UBR1: variants seen among roughly 807,000 people sequenced by gnomAD.
UBR1 encodes E3 ubiquitin-protein ligase UBR1.
In UBR1, 102 loss-of-function variants were observed where a neutral mutation model predicts 242.1. That is an observed-to-expected ratio of 0.42 (90% CI 0.36 to 0.50). UBR1 has a LOEUF of 0.50. UBR1 is among the 20% of genes least tolerant of loss of function. The pLI is 0.01. For synonymous variants in UBR1, 675 were observed against 684.8 expected, an observed-to-expected ratio of 0.99 and a Z score of 0.22; for missense variants, 1,772 against 2,101.8, an observed-to-expected ratio of 0.84 and a Z score of 3.07.
At chr15:43,095,188 T>G (rs1324074777) in intron 1 of UBR1, among the ~76,000 whole-genome samples, 1 of 152,152 alleles carries the variant, frequency 6.6e-6, no homozygotes, top group Non-Finnish European at 1.5e-5. Flanking sequence ...ATTGATAAAT[T>G]AACAGACTTT....
chr15:42,945,109 C>A lies in UBR1; in HGVS notation c.*220G>T. The A allele has an allele frequency of 1.7e-6, 1 of 573,250 alleles. No homozygotes were observed. The highest frequency in any genetic ancestry group is 3.1e-6 in the Non-Finnish European group (1 of 327,762). 35.5% of individuals were successfully genotyped at this position (573,250 alleles called of 1,614,324 possible). ...GGGAATAAATTCCTGGAAATACTAGCACATAAAACAGATTGATCTATGTCC... is the reference window on the plus strand; with the variant it reads ...GGGAATAAATTCCTGGAAATACTAGAACATAAAACAGATTGATCTATGTCC... On this transcript the variant is annotated 3_prime_UTR_variant, in exon 47 of 47. Transcript: ENST00000290650.
rs2033169244 is a variant in UBR1, at chr15:43,025,684, G to A, written c.2536-255C>T. The A allele has an allele frequency of 1.3e-5, 6 of 460,748 alleles. No homozygotes were observed. In the Admixed American group the frequency reaches 2.1e-4, roughly 16 times the overall value. 28.5% of individuals were successfully genotyped at this position (460,748 alleles called of 1,614,324 possible). On this transcript the variant is annotated intron_variant, in intron 23 of 46. Transcript: ENST00000290650. ...AAAATATTTACCCAGTACCTATTAT[G>A]CACAGGGTACTATGCTATGGGCTGT...
intron 1 of UBR1, chr15:43,092,055 G>T (rs2034111922): frequency 6.6e-6 from 3 of 451,742 alleles, no homozygotes; most frequent in South Asian, 3.1e-5. Context: ...CTGCACTCCA[G>T]CCTGGGCAAC....
chr15:42,983,928 C>A lies in UBR1; in HGVS notation c.4119G>T (p.Leu1373=). 6.2e-7 allele frequency: 1 copy of A among 1,613,070 alleles called. No individual in the cohort carries two copies. The highest frequency in any genetic ancestry group is 8.5e-7 in the Non-Finnish European group (1 of 1,179,484). The change falls in exon 37 of 47, where the codon CTG becomes CTT. Residue 1373 remains leucine, a synonymous_variant. Coordinates refer to ENST00000290650, the MANE Select transcript of UBR1 (RefSeq NM_174916.3). The part of the protein sequence containing the change: ...VAQRITCPQV[L]IQKHLVRLLS... ...GAAGACGAACCAGATGTTTCTGTATCAGGACCTGAGGACAGGTAATCCTCT... is the reference window on the plus strand; with the variant it reads ...GAAGACGAACCAGATGTTTCTGTATAAGGACCTGAGGACAGGTAATCCTCT...
At chr15:43,034,903 A>G (rs1373270849) in intron 19 of UBR1, among the ~76,000 whole-genome samples, 1 of 151,088 alleles carries the variant, frequency 6.6e-6, no homozygotes, top group East Asian at 1.9e-4. Flanking sequence ...AAAAAAAAAA[A>G]AAGAAAGAAA....
chr15:42,986,183 T>C (rs915185384), intron 35 of UBR1, among the ~76,000 whole-genome samples: 1 of 152,162 alleles, frequency 6.6e-6, no homozygotes, highest in African/African-American at 2.4e-5. Flanking sequence ...ACGCTTTGTT[T>C]TGATTCCTCA....
At chr15:42,970,686 G>A in intron 39 of UBR1, 79 bp from the exon 40 acceptor site, 1 of 1,296,572 alleles carries the variant, frequency 7.7e-7, no homozygotes, top group Non-Finnish European at 1.1e-6. Context: ...ATTGTTCCAA[G>A]ACAATAAACA....
chr15:43,075,360 T>G (rs1878816715), intron 3 of UBR1, among the ~76,000 whole-genome samples: 2 of 152,210 alleles, frequency 1.3e-5, no homozygotes, highest in African/African-American at 4.8e-5. Context: ...AATTTTTAAA[T>G]AACAGTTGTT....
intron 29 of UBR1, among the ~76,000 whole-genome samples, chr15:43,013,565 G>A (rs917662435): frequency 6.6e-6 from 1 of 152,160 alleles, no homozygotes; most frequent in Non-Finnish European, 1.5e-5. Context: ...ATTTTTATTA[G>A]AAATAATAAT....
intron 40 of UBR1, among the ~76,000 whole-genome samples, chr15:42,969,090 C>T (rs529211382): frequency 1.3e-5 from 2 of 152,248 alleles, no homozygotes; most frequent in South Asian, 4.1e-4. Context: ...GAGGAATCGC[C>T]ACACTGTCTT....
intron 44 of UBR1, among the ~76,000 whole-genome samples, chr15:42,956,511 A>G (rs2031924246): frequency 6.6e-6 from 1 of 152,184 alleles, no homozygotes; most frequent in Non-Finnish European, 1.5e-5. Context: ...GCAGAGGCAG[A>G]GGCGGAGTTT....
chr15:43,082,662 A>T lies in UBR1; in HGVS notation c.393T>A (p.Ser131Arg). ...CVLCMDCFQDSVHKNHRYKMH... is the reference protein window; with the variant it reads ...CVLCMDCFQDRVHKNHRYKMH... ...CCTTGTAACGATGATTTTTATGAACACTGTCCTGGAAGCAGTCCATACAGA... is the reference window on the plus strand; with the variant it reads ...CCTTGTAACGATGATTTTTATGAACTCTGTCCTGGAAGCAGTCCATACAGA... The change falls in exon 3 of 47, where the codon AGT becomes AGA. Residue 131 changes from serine to arginine, a missense_variant. Physicochemically the swap from Ser to Arg is moderately radical, Grantham distance 110. This residue lies in a region of UBR1 where 734 missense variants were observed against 893.3 expected (regional missense o/e 0.82). Coordinates refer to ENST00000290650, the MANE Select transcript of UBR1 (RefSeq NM_174916.3). 1 of 1,613,862 alleles carries T rather than the reference A, an allele frequency of 6.2e-7. No homozygotes were observed. The highest frequency in any genetic ancestry group is 8.5e-7 in the Non-Finnish European group (1 of 1,179,842).
At chr15:43,044,108 C>T (rs2033454036) in intron 14 of UBR1, among the ~76,000 whole-genome samples, 1 of 152,244 alleles carries the variant, frequency 6.6e-6, no homozygotes, top group East Asian at 1.9e-4. Context: ...CCTATTCAGG[C>T]AGTGGAGAAT....
chr15:43,059,628 T>G, intron 8 of UBR1, 74 bp downstream of exon 8: 1 of 1,522,756 alleles, frequency 6.6e-7, no homozygotes, highest in Non-Finnish European at 9.0e-7. Context: ...TCATACTCAA[T>G]GACATTTTAA....
chr15:43,089,567 G>C (rs1225195618), intron 1 of UBR1, among the ~76,000 whole-genome samples: 1 of 152,154 alleles, frequency 6.6e-6, no homozygotes, highest in African/African-American at 2.4e-5. Context: ...CAATGGGAAA[G>C]ACAGTAACAG....
intron 1 of UBR1, among the ~76,000 whole-genome samples, chr15:43,100,001 G>A (rs566924006): frequency 3.7e-4 from 57 of 152,078 alleles, no homozygotes; most frequent in Non-Finnish European, 6.2e-4. Context: ...TCAGCCTCCT[G>A]AGTAGCTGGG....
chr15:42,950,331 C>A lies in UBR1; in HGVS notation c.5039G>T (p.Gly1680Val). The A allele has an allele frequency of 1.2e-6, 2 of 1,614,138 alleles. No individual in the cohort carries two copies. The highest frequency in any genetic ancestry group is 8.5e-7 in the Non-Finnish European group (1 of 1,180,012). Residue 1680 changes from glycine (G) to valine (V), a missense_variant, in exon 46 of 47, where the codon GGT becomes GTT. Around this residue, in one of 3 missense-constraint regions of UBR1, gnomAD observed 965 missense variants for 1,079.7 expected, o/e 0.89. Coordinates refer to ENST00000290650, the MANE Select transcript of UBR1 (RefSeq NM_174916.3). ...TGGATAGGCACAGCCTCTGGCTTTA[C>A]CTTCAACCAGGACCACTCGGCATTC... ...IRECRVVLVE[G>V]KARGCAYPAP...
In UBR1 at chr15:42,945,240, C is replaced by A; in HGVS notation, c.*89G>T. On this transcript the variant is annotated 3_prime_UTR_variant, in exon 47 of 47. Transcript: ENST00000290650. ...ACATGGAGCAAAAGACCCTCCAATA[C>A]TTTCCCAGCCCTCAGAAAGTTTTCC... 6.3e-7 allele frequency: 1 copy of A among 1,590,488 alleles called. No homozygotes were observed. Among genetic ancestry groups the A allele is most frequent in the Non-Finnish European group, 8.6e-7 (1 of 1,162,876 alleles).
chr15:42,967,935 T>C (rs1413124477), intron 40 of UBR1, among the ~76,000 whole-genome samples: 1 of 150,094 alleles, frequency 6.7e-6, no homozygotes, highest in Non-Finnish European at 1.5e-5. Context: ...ATATATATTA[T>C]GAATATATAT....
Sources: gnomAD v4.1 joint callset for allele counts (sites outside exome capture counted in the v4.1 genomes callset) on GRCh38, gnomAD v4.1.1 for gene constraint, gnomAD v4.1.1 regional missense constraint, MANE v1.5 for transcripts, NCBI Gene and HGNC (gene_info 2026-07-23, HGNC 2026-07-21) for gene names.